Variants in PHACTR4 observed in about 807,000 individuals in gnomAD.
The protein encoded by PHACTR4 is phosphatase and actin regulator 4.
PHACTR4 carries 51 observed loss-of-function variants against 72.7 expected under a neutral mutation model. The observed-to-expected ratio is 0.70, with a 90% CI of 0.56 to 0.89. The LOEUF (loss-of-function observed/expected upper bound fraction) is 0.89. PHACTR4 is among the 40% of genes least tolerant of loss of function. The pLI, the probability that PHACTR4 is intolerant of heterozygous loss-of-function variation, is 0.00. For missense variants in PHACTR4, 731 were observed against 861.8 expected (o/e 0.85, Z 1.90); for synonymous variants, 255 against 302.5 (o/e 0.84, Z 1.63).
chr1:28,491,760 T>C lies in PHACTR4; in HGVS notation c.1989T>C (p.Pro663=), dbSNP rs1661053227. 1 of 1,614,124 alleles carries C rather than the reference T, an allele frequency of 6.2e-7. No homozygotes were observed. The highest frequency in any genetic ancestry group is 8.5e-7 in the Non-Finnish European group (1 of 1,180,006). The change falls in exon 12 of 14, where the codon CCT becomes CCC. Residue 663 remains proline (P), a synonymous_variant. Coordinates refer to ENST00000373839, the MANE Select transcript of PHACTR4 (RefSeq NM_001048183.3). ...ATTATGACCGGCGAGCCGACAAACC[T>C]TGGACCAAACTGACCCCTGCTGACA... The part of the protein sequence containing the change: ...AQDYDRRADK[P]WTKLTPADKA...
At chr1:28,463,842 C>A (rs1478841507) in intron 4 of PHACTR4, among the ~76,000 whole-genome samples, 1 of 152,128 alleles carries the variant, frequency 6.6e-6, no homozygotes, top group African/African-American at 2.4e-5. Flanking sequence ...AAACAGTCCT[C>A]CCACCTCAGC....
At chr1:28,392,759 AT>A (rs1653158215) in intron 1 of PHACTR4, among the ~76,000 whole-genome samples, 1 of 152,118 alleles carries the variant, frequency 6.6e-6, no homozygotes, top group Non-Finnish European at 1.5e-5. Context: ...GGAAAAAAAA[AT>A]CTTATGCCAA....
intron 1 of PHACTR4, among the ~76,000 whole-genome samples, chr1:28,389,196 A>G (rs781618568): frequency 3.3e-5 from 5 of 152,154 alleles, no homozygotes; most frequent in African/African-American, 4.8e-5. Context: ...AAAGATCTGA[A>G]TAGACATTTC....
At chr1:28,425,306 A>C (rs1655769396) in intron 2 of PHACTR4, among the ~76,000 whole-genome samples, 1 of 150,220 alleles carries the variant, frequency 6.7e-6, no homozygotes, top group African/African-American at 2.5e-5. Flanking sequence ...TTCAGTAGAG[A>C]CAGGGTTTCA....
intron 2 of PHACTR4, chr1:28,438,339 T>G: frequency 6.3e-7 from 1 of 1,592,232 alleles, no homozygotes; most frequent in Non-Finnish European, 8.5e-7. Flanking sequence ...AGTTTGCTTT[T>G]GTCCGGGACA....
At chr1:28,476,337 A>G in intron 8 of PHACTR4, 46 bp downstream of exon 8, 7 of 1,517,658 alleles carry the variant, frequency 4.6e-6, no homozygotes, top group Non-Finnish European at 6.2e-6. Flanking sequence ...TTTTCCAGAT[A>G]AAACTATTTG....
intron 2 of PHACTR4, among the ~76,000 whole-genome samples, chr1:28,443,423 G>C (rs146979543): frequency 6.6e-6 from 1 of 150,586 alleles, no homozygotes; most frequent in Non-Finnish European, 1.5e-5. Context: ...CTGGGACTAC[G>C]GGTGCACACT....
intron 1 of PHACTR4, among the ~76,000 whole-genome samples, chr1:28,398,570 G>C (rs1653699632): frequency 6.6e-6 from 1 of 151,952 alleles, no homozygotes; most frequent in Non-Finnish European, 1.5e-5. Flanking sequence ...TGTAATCCCA[G>C]CACTTTGGGA....
rs1327043635 is a variant in PHACTR4 at position 28,496,527 on chromosome 1, CT to C, written c.2094-3del. On this transcript the variant is annotated splice_polypyrimidine_tract_variant and splice_region_variant and intron_variant, in intron 13 of 13. Coordinates refer to ENST00000373839, the MANE Select transcript of PHACTR4 (RefSeq NM_001048183.3). Reference sequence around the variant, plus strand: ...TGGTAACTTGTCTCTTTTTTAATCTCTTTTAGCTACCATCGTCCATGATGCC... The same window carrying C: ...TGGTAACTTGTCTCTTTTTTAATCTCTTTAGCTACCATCGTCCATGATGCC... 3.1e-6 allele frequency: 5 copies of C among 1,613,726 alleles called. No individual in the cohort carries two copies. The highest frequency in any genetic ancestry group is 4.2e-6 in the Non-Finnish European group (5 of 1,179,836).
At position 28,491,012 on chromosome 1, in the gene PHACTR4, G is replaced by T. The variant is rs1241677790; in HGVS notation, c.1878G>T (p.Lys626Asn). The T allele has an allele frequency of 6.2e-7, 1 of 1,612,752 alleles. No individual in the cohort carries two copies. Among genetic ancestry groups the T allele is most frequent in the Admixed American group, 1.7e-5 (1 of 59,986 alleles). The change falls in exon 11 of 14, where the codon AAG (lysine) becomes AAT (asparagine). Residue 626 changes from lysine (K) to asparagine (N), a missense_variant and splice_region_variant. Coordinates refer to ENST00000373839, the MANE Select transcript of PHACTR4 (RefSeq NM_001048183.3). ...KREIKRRLTRKLSQRPTVAEL... is the reference protein window; with the variant it reads ...KREIKRRLTRNLSQRPTVAEL... ...AAATTAAACGTCGGCTCACTAGAAA[G>T]GTACTACTGCCTGTGTGTTCAGTTA...
intron 2 of PHACTR4, among the ~76,000 whole-genome samples, chr1:28,430,692 C>T (rs1231278501): frequency 6.6e-6 from 1 of 152,152 alleles, no homozygotes; most frequent in East Asian, 1.9e-4. Flanking sequence ...TTCCTAACCC[C>T]TCACTGGAGT....
intron 1 of PHACTR4, among the ~76,000 whole-genome samples, chr1:28,372,959 G>T (rs1402379139): frequency 6.6e-6 from 1 of 151,474 alleles, no homozygotes; most frequent in Non-Finnish European, 1.5e-5. Flanking sequence ...TTATTTTTAT[G>T]ATTATTATTA....
At position 28,470,246 on chromosome 1, in the gene PHACTR4, A is replaced by C. The variant is rs574721965; in HGVS notation, c.824-3308A>C. Among the ~76,000 whole-genome samples, 4 of 152,112 alleles carry C rather than the reference A, an allele frequency of 2.6e-5. No individual in the cohort carries two copies. The South Asian group carries it at 6.2e-4, about 24-fold the overall frequency. On this transcript the variant is annotated intron_variant, in intron 6 of 13. Coordinates refer to ENST00000373839, the MANE Select transcript of PHACTR4 (RefSeq NM_001048183.3). ...CATCTCTATAAAATATTTAAAAATT[A>C]GCTGGGCATGGTGACATGTGCCTGT...
chr1:28,378,198 TAAA>T (rs60280611), intron 1 of PHACTR4, among the ~76,000 whole-genome samples: 4 of 76,388 alleles, frequency 5.2e-5, no homozygotes, highest in Admixed American at 1.5e-4. Context: ...CTCCATCTCA[TAAA>T]AAAAAAAAAA....
At chr1:28,459,324 T>C (rs900706965) in intron 3 of PHACTR4, 66 bp downstream of exon 3, 29 of 1,393,550 alleles carry the variant, frequency 2.1e-5, no homozygotes, top group Non-Finnish European at 2.7e-5. Context: ...TATTTAATTT[T>C]TCCTTATCTT....
chr1:28,397,704 C>CT (rs201612295), intron 1 of PHACTR4, among the ~76,000 whole-genome samples: 124 of 136,430 alleles, frequency 9.1e-4, no homozygotes, highest in South Asian at 4.0e-3. Flanking sequence ...ATAATTTTTG[C>CT]TTTTTTTTTT....
intron 2 of PHACTR4, among the ~76,000 whole-genome samples, chr1:28,419,103 C>G (rs978591765): frequency 2.8e-5 from 4 of 143,646 alleles, no homozygotes; most frequent in Non-Finnish European, 6.0e-5. Flanking sequence ...CAATTTATAG[C>G]TAGCTGTTTT....
chr1:28,482,597 G>T (rs1266330506), intron 9 of PHACTR4, among the ~76,000 whole-genome samples: 1 of 152,070 alleles, frequency 6.6e-6, no homozygotes, highest in African/African-American at 2.4e-5. Context: ...ATAATTAATT[G>T]ATCATGTCTA....
At chr1:28,456,469 A>T (rs1042992439) in intron 2 of PHACTR4, among the ~76,000 whole-genome samples, 1 of 152,142 alleles carries the variant, frequency 6.6e-6, no homozygotes, top group Non-Finnish European at 1.5e-5. Flanking sequence ...TTTGAGCGGG[A>T]CACATATCTA....
Sources: allele counts gnomAD v4.1 joint callset (sites outside exome capture counted in the v4.1 genomes callset), GRCh38; gene constraint gnomAD v4.1.1; transcripts MANE v1.5; gene names NCBI Gene and HGNC (gene_info 2026-07-23, HGNC 2026-07-21).